The following CRHR2 variants were observed in gnomAD, a reference collection of about 807,000 sequenced individuals.
CRHR2 encodes corticotropin-releasing hormone receptor 2.
A neutral mutation model predicts 57.9 loss-of-function variants in CRHR2; 53 were observed. The observed-to-expected ratio is 0.92, with a 90% confidence interval of 0.73 to 1.15. The LOEUF (loss-of-function observed/expected upper bound fraction) is 1.15, where lower values mean the gene tolerates loss of function less well. Among genes scored for constraint, CRHR2 ranks in the 50% most tolerant of loss-of-function variants. The pLI is 0.00. For synonymous variants in CRHR2, 213 were observed against 220.9 expected, an observed-to-expected ratio of 0.96 and a Z score of 0.32; for missense variants, 532 against 542.6, an observed-to-expected ratio of 0.98 and a Z score of 0.19.
chr7:30,682,427 G>A lies in CRHR2; in HGVS notation c.-147C>T. 2 of 1,356,252 alleles carry A rather than the reference G, an allele frequency of 1.5e-6. No homozygotes were observed. The highest frequency in any genetic ancestry group is 1.9e-6 in the Non-Finnish European group (2 of 1,061,352). The allele number at this position is 1,356,252 out of a possible 1,614,324, so 84.0% of individuals were successfully genotyped here. A position where few individuals can be genotyped will look rare whatever the true frequency, so the allele number is the denominator to read the frequency against. On this transcript the variant is annotated 5_prime_UTR_variant, in exon 1 of 12. Transcript: ENST00000471646. ...CCGATCTCCCGGGCAGCCTTTGGGC[G>A]CCACCTCCGGTCGCCCAGAGCTGTC... is the stretch of plus-strand genomic sequence containing the variant.
At position 30,660,550 on chromosome 7, in the gene CRHR2, C is replaced by T. The variant is rs369775793; in HGVS notation, c.831+23G>A. 9 of 1,553,904 alleles carry T rather than the reference C, an allele frequency of 5.8e-6. No individual in the cohort carries two copies. The African/African-American group carries it at 1.2e-4, about 21-fold the overall frequency. On this transcript the variant is annotated intron_variant, in intron 8 of 11. Coordinates refer to ENST00000471646, the MANE Select transcript of CRHR2 (RefSeq NM_001883.5). The stretch of plus-strand genomic sequence containing the variant: ...CTGTCCTCTTGGCACCCAGCCCCAT[C>T]CCAGCCACCGCTGAGGGCTTACCAG...
chr7:30,657,824 C>T (rs1384025852), intron 8 of CRHR2, among the ~76,000 whole-genome samples: 1 of 152,156 alleles, frequency 6.6e-6, no homozygotes, highest in Non-Finnish European at 1.5e-5. Flanking sequence ...TTCCATCCAT[C>T]CATCCATCTA....
intron 2 of CRHR2, among the ~76,000 whole-genome samples, chr7:30,668,981 A>G (rs111445641): frequency 0.037 from 5,594 of 152,328 alleles, 361 homozygotes; most frequent in African/African-American, 0.13. Context: ...ATGAAAGAGA[A>G]AGGTTACCTC....
intron 5 of CRHR2, among the ~76,000 whole-genome samples, chr7:30,664,160 A>C (rs1167259446): frequency 6.6e-6 from 1 of 152,204 alleles, no homozygotes; most frequent in African/African-American, 2.4e-5. Context: ...TCTATGTGGG[A>C]CCATGTTAAG....
chr7:30,692,361 C>T (rs1356523113), intron 1 of CRHR2, among the ~76,000 whole-genome samples: 1 of 152,176 alleles, frequency 6.6e-6, no homozygotes, highest in Non-Finnish European at 1.5e-5. Flanking sequence ...TCCGTTTGCC[C>T]TCAGCAGCTT....
At chr7:30,694,588 AG>A (rs551763660) in intron 1 of CRHR2, among the ~76,000 whole-genome samples, 8 of 152,174 alleles carry the variant, frequency 5.3e-5, no homozygotes, top group Non-Finnish European at 1.2e-4. Flanking sequence ...CCAGGCTGCC[AG>A]GGACCGGAGG....
chr7:30,686,309 C>T, upstream of CRHR2: 1 of 1,416,380 alleles, frequency 7.1e-7, no homozygotes, highest in Admixed American at 3.0e-5. Flanking sequence ...AGGGCTGGTC[C>T]TGGTTCACTA....
intron 10 of CRHR2, 25 bp from the exon 11 acceptor site, chr7:30,655,105 T>G: frequency 6.2e-7 from 1 of 1,608,874 alleles, no homozygotes. Context: ...AAGGAGGGAG[T>G]GGTCAGTGAC....
chr7:30,669,100 C>T (rs551212769), intron 2 of CRHR2, among the ~76,000 whole-genome samples: 6 of 152,294 alleles, frequency 3.9e-5, no homozygotes, highest in South Asian at 2.1e-4. Flanking sequence ...TGGGGGTTTA[C>T]GGTGCCTCTG....
intron 3 of CRHR2, among the ~76,000 whole-genome samples, chr7:30,666,402 G>A (rs1175951379): frequency 6.6e-6 from 1 of 152,208 alleles, no homozygotes; most frequent in African/African-American, 2.4e-5. Flanking sequence ...AGTTAGTGAT[G>A]AAATACTCCT....
rs187879772 is a variant in CRHR2 at position 30,665,464 on chromosome 7, G to C, written c.425+66C>G. The C allele has an allele frequency of 8.1e-5, 108 of 1,327,942 alleles. No homozygotes were observed. Among genetic ancestry groups the C allele is most frequent in the Non-Finnish European group, 1.0e-4 (97 of 947,634 alleles). The allele number at this position is 1,327,942 out of a possible 1,614,324, so 82.3% of individuals were successfully genotyped here. ...CCCAGAATGGAGGTGAGAATGTCTG[G>C]GAGAGGTGAAGGGGGTGCTGTAGGG... On this transcript the variant is annotated intron_variant, in intron 4 of 11. Transcript: ENST00000471646. The surrounding 1 kb of genome is among the most constrained non-coding windows in gnomAD (Gnocchi z 4.5).
In CRHR2 at chr7:30,662,223, GA is replaced by G; in HGVS notation, c.698-8del. 1.2e-6 allele frequency: 2 copies of G among 1,614,158 alleles called. No homozygotes were observed. The highest frequency in any genetic ancestry group is 1.7e-6 in the Non-Finnish European group (2 of 1,180,010). ...ATGATGGGGAAGGGGATGCCTGAAA[GA>G]AGGAAAGACTTGGGCTGCAGGGGAC... On this transcript the variant is annotated splice_polypyrimidine_tract_variant and splice_region_variant and intron_variant, in intron 6 of 11. Coordinates refer to ENST00000471646, the MANE Select transcript of CRHR2 (RefSeq NM_001883.5).
At position 30,657,366 on chromosome 7, in the gene CRHR2, G is replaced by A. The variant is rs190217439; in HGVS notation, c.832-1354C>T. Among the ~76,000 whole-genome samples the A allele has an allele frequency of 3.4e-3, 513 of 152,238 alleles. 3 individuals carry two copies. The highest frequency in any genetic ancestry group is 0.012 in the African/African-American group (480 of 41,528). On this transcript the variant is annotated intron_variant, in intron 8 of 11. Transcript: ENST00000471646. ...TAGTGGTATGGCCTGGGGGTCCCAG[G>A]GAGGGCTGGGGATGGAAAGCCTTCA...
intron 2 of CRHR2, chr7:30,688,944 G>A (rs568358208): frequency 5.6e-5 from 34 of 610,094 alleles, no homozygotes; most frequent in East Asian, 2.1e-4. Flanking sequence ...GACTTCCATC[G>A]TGGGAGCTGG....
At position 30,665,133 on chromosome 7, in the gene CRHR2, G is replaced by T. The variant is rs1366004911; in HGVS notation, c.480C>A (p.Ile160=). 6.2e-6 allele frequency: 10 copies of T among 1,614,004 alleles called. No individual in the cohort carries two copies. The highest frequency in any genetic ancestry group is 8.5e-6 in the Non-Finnish European group (10 of 1,180,028). The change falls in exon 5 of 12, where the codon ATC becomes ATA. Residue 160 remains isoleucine (I), a synonymous_variant. Coordinates refer to ENST00000471646, the MANE Select transcript of CRHR2 (RefSeq NM_001883.5). This position sits in a 1 kb window ranked among gnomAD's most constrained non-coding sequence, Gnocchi z 4.5. ...VIHWNLITTF[I]LRNVMWFLLQ... ...GCAGGAACCACATGACATTTCGCAG[G>T]ATAAAGGTGGTGATGAGGTTCCAGT...
Position 30,665,282 on chromosome 7 carries a change from G to A in CRHR2, c.426-95C>T. 8.9e-7 allele frequency: 1 copy of A among 1,124,906 alleles called. No homozygotes were observed. The highest frequency in any genetic ancestry group is 2.0e-4 in the Middle Eastern group (1 of 4,978). The allele number at this position is 1,124,906 out of a possible 1,614,324, so 69.7% of individuals were successfully genotyped here. A position where few individuals can be genotyped will look rare whatever the true frequency, so the allele number is the denominator to read the frequency against. On this transcript the variant is annotated intron_variant, in intron 4 of 11. Transcript: ENST00000471646. This position sits in a 1 kb window ranked among gnomAD's most constrained non-coding sequence, Gnocchi z 4.5. ...AGGTAGAGACTCAGCCTGGGATGAG[G>A]GCAGGGCTGCACTAGGAGCCACTTC...
In CRHR2 at chr7:30,655,998, A is replaced by C; in HGVS notation, c.846T>G (p.Phe282Leu). The C allele has an allele frequency of 3.1e-6, 5 of 1,614,008 alleles. No homozygotes were observed. The highest frequency in any genetic ancestry group is 4.2e-6 in the Non-Finnish European group (5 of 1,179,946). The change falls in exon 9 of 12, where the codon TTT becomes TTG. Residue 282 changes from phenylalanine (F) to leucine (L), a missense_variant. Transcript: ENST00000471646. The stretch of plus-strand genomic sequence containing the variant: ...TTAGGATCCTGACGATGTTGAACAG[A>C]AATACGAAATTGATCTGGAGGGAGG... ...IILVLLINFVFLFNIVRILMT... is the reference protein window; with the variant it reads ...IILVLLINFVLLFNIVRILMT...
In CRHR2 at chr7:30,653,691, C is replaced by G; in HGVS notation, c.1096-91G>C. 9 of 1,433,130 alleles carry G rather than the reference C, an allele frequency of 6.3e-6. No individual in the cohort carries two copies. Among genetic ancestry groups the G allele is most frequent in the Non-Finnish European group, 8.3e-6 (9 of 1,082,328 alleles). The allele number at this position is 1,433,130 out of a possible 1,614,324, so 88.8% of individuals were successfully genotyped here. A position where few individuals can be genotyped will look rare whatever the true frequency, so the allele number is the denominator to read the frequency against. On this transcript the variant is annotated intron_variant, in intron 11 of 11. Transcript: ENST00000471646. The surrounding 1 kb of genome is among the most constrained non-coding windows in gnomAD (Gnocchi z 5.0). ...TCCTCTGCTTTCTGCTCTCATGGGT[C>G]GACTGCCACCCTCATGACAAGGAAC...
upstream of CRHR2, among the ~76,000 whole-genome samples, chr7:30,687,209 C>A (rs1284433170): frequency 6.6e-6 from 1 of 152,016 alleles, no homozygotes; most frequent in African/African-American, 2.4e-5. Flanking sequence ...AGGTCATTAT[C>A]AATTTGGGGA....
Sources: gnomAD v4.1 joint callset for allele counts (sites outside exome capture counted in the v4.1 genomes callset) on GRCh38, gnomAD v4.1.1 for gene constraint, Gnocchi (gnomAD v3.1) non-coding constraint, MANE v1.5 for transcripts, NCBI Gene and HGNC (gene_info 2026-07-23, HGNC 2026-07-21) for gene names.